Variants in MTSS2 observed in about 807,000 individuals in gnomAD.
The protein encoded by MTSS2 is protein MTSS 2.
MTSS2 carries 27 observed loss-of-function variants against 67.1 expected under a neutral mutation model. That is an observed-to-expected ratio of 0.40 (90% CI 0.30 to 0.55). The LOEUF (loss-of-function observed/expected upper bound fraction) is 0.55, where lower values mean the gene tolerates loss of function less well. Ranked by LOEUF, MTSS2 falls within the 20% of genes least tolerant of loss-of-function variation. MTSS2 has a pLI of 0.43. For synonymous variants in MTSS2, 624 were observed against 468.6 expected (o/e 1.33, Z -4.28); for missense variants, 1,171 against 1,067.8 (o/e 1.10, Z -1.35).
intron 11 of MTSS2, 149 bp from the exon 12 acceptor site, chr16:70,665,689 G>A (rs1489349106): frequency 3.3e-6 from 2 of 610,600 alleles, no homozygotes; most frequent in East Asian, 5.9e-5. Flanking sequence ...CCCTACCCCA[G>A]GGCCACGGCC....
chr16:70,661,586 C>G lies in MTSS2; in HGVS notation c.*2091G>C, dbSNP rs1437680547. ...AGTTTGTGATGTGGGATGGTTGGCT[C>G]GGATCCCGAGGTGGGTGGGCCTATG... On this transcript the variant is annotated 3_prime_UTR_variant, in exon 15 of 15. Coordinates refer to ENST00000338779, the MANE Select transcript of MTSS2 (RefSeq NM_138383.3). 1 of 349,634 alleles carries G rather than the reference C, an allele frequency of 2.9e-6. No individual in the cohort carries two copies. The highest frequency in any genetic ancestry group is 2.2e-5 in the South Asian group (1 of 45,944). 21.7% of individuals were successfully genotyped at this position (349,634 alleles called of 1,614,324 possible).
At position 70,679,480 on chromosome 16, in the gene MTSS2, C is replaced by T; in HGVS notation, c.457+150G>A. 6 of 1,196,214 alleles carry T rather than the reference C, an allele frequency of 5.0e-6. No individual in the cohort carries two copies. The Admixed American group carries it at 9.0e-5, about 18-fold the overall frequency. 74.1% of individuals were successfully genotyped at this position (1,196,214 alleles called of 1,614,324 possible). On this transcript the variant is annotated intron_variant, in intron 6 of 14. Coordinates refer to ENST00000338779, the MANE Select transcript of MTSS2 (RefSeq NM_138383.3). ...GGACCAGGTTTGGGGGGAAGGGCAG[C>T]TCCCTCTGTCCCACCCAACAGGTTG... is the stretch of plus-strand genomic sequence containing the variant.
chr16:70,669,707 C>T (rs1450475950), intron 11 of MTSS2, among the ~76,000 whole-genome samples: 1 of 150,598 alleles, frequency 6.6e-6, no homozygotes, highest in Admixed American at 6.6e-5. Flanking sequence ...ATCCCAGCTA[C>T]TCGGGAGGCT....
intron 11 of MTSS2, among the ~76,000 whole-genome samples, chr16:70,666,525 T>C (rs889868975): frequency 3.3e-5 from 5 of 151,958 alleles, no homozygotes; most frequent in Non-Finnish European, 7.4e-5. Flanking sequence ...CACGGTGAGG[T>C]GTTGGCCTGG....
chr16:70,667,744 A>G (rs2052770546), intron 11 of MTSS2, among the ~76,000 whole-genome samples: 1 of 152,014 alleles, frequency 6.6e-6, no homozygotes, highest in Non-Finnish European at 1.5e-5. Flanking sequence ...GTGGTGGTAC[A>G]TGTCTATAAT....
intron 11 of MTSS2, 127 bp downstream of exon 11, chr16:70,674,179 G>A: frequency 2.7e-6 from 2 of 741,768 alleles, no homozygotes; most frequent in Non-Finnish European, 4.4e-6. Context: ...AGGCCTTGGG[G>A]GCCTTCAGGC....
chr16:70,675,550 G>T (rs892816652), intron 10 of MTSS2, among the ~76,000 whole-genome samples: 1 of 152,122 alleles, frequency 6.6e-6, no homozygotes, highest in African/African-American at 2.4e-5. Flanking sequence ...GAGTAGCTGG[G>T]ACTACAGGCA....
chr16:70,664,065 G>A lies in MTSS2; in HGVS notation c.1856C>T (p.Thr619Ile). Residue 619 changes from threonine to isoleucine, a missense_variant, in exon 15 of 15, where the codon ACC (threonine) becomes ATC (isoleucine). By Grantham distance (89) the Thr-to-Ile change is moderately conservative. Around this residue, in one of 2 missense-constraint regions of MTSS2, gnomAD observed 924 missense variants for 756.0 expected, o/e 1.22. Transcript: ENST00000338779. ...TGCCAGGGGTGAGGCGGTCTCGTCG[G>A]TATAGAAGACGCACTCCTCACTGCC... The part of the protein sequence containing the change: ...RAGSEECVFY[T>I]DETASPLAPD... 6.2e-7 allele frequency: 1 copy of A among 1,611,460 alleles called. No individual in the cohort carries two copies. Among genetic ancestry groups the A allele is most frequent in the Non-Finnish European group, 8.5e-7 (1 of 1,179,404 alleles).
At chr16:70,672,028 C>G (rs542928144) in intron 11 of MTSS2, among the ~76,000 whole-genome samples, 2 of 152,314 alleles carry the variant, frequency 1.3e-5, no homozygotes, top group Admixed American at 1.3e-4. Context: ...GCTGCAGAAA[C>G]TGAGGTGACA....
rs768341867 is a variant in MTSS2, at chr16:70,679,820, C to G, written c.348G>C (p.Lys116Asn). The G allele has an allele frequency of 5.6e-6, 9 of 1,609,138 alleles. No individual in the cohort carries two copies. Among genetic ancestry groups the G allele is most frequent in the Admixed American group, 1.7e-5 (1 of 59,962 alleles). The change falls in exon 5 of 15, where the codon AAG becomes AAC. Residue 116 changes from lysine (K) to asparagine (N), a missense_variant. Lys to Asn is a moderately conservative substitution (Grantham distance 94). Coordinates refer to ENST00000338779, the MANE Select transcript of MTSS2 (RefSeq NM_138383.3). ...PLQERIEDWK[K>N]AANQLDKDHA... Reference sequence around the variant, plus strand: ...GGTCCTTGTCCAGCTGGTTGGCCGCCTTCTTCCAGTCCTCGATGCGCTCCT... The same window carrying G: ...GGTCCTTGTCCAGCTGGTTGGCCGCGTTCTTCCAGTCCTCGATGCGCTCCT...
intron 11 of MTSS2, chr16:70,665,765 G>A: frequency 2.2e-6 from 1 of 462,844 alleles, no homozygotes; most frequent in Non-Finnish European, 3.9e-6. Flanking sequence ...CCACCTGACA[G>A]CCCAGCCCTG....
At chr16:70,664,546 G>C in intron 14 of MTSS2, 52 bp downstream of exon 14, 1 of 1,594,850 alleles carries the variant, frequency 6.3e-7, no homozygotes. Context: ...GGGCCCTCCT[G>C]GATGGCTAAG....
chr16:70,664,496 G>A (rs1360718227), intron 14 of MTSS2, 47 bp from the exon 15 acceptor site: 47 of 1,546,528 alleles, frequency 3.0e-5, no homozygotes, highest in Non-Finnish European at 3.7e-5. Context: ...GTGGCCCCTT[G>A]CCCCCAGCCC....
intron 10 of MTSS2, among the ~76,000 whole-genome samples, chr16:70,676,619 C>T (rs114556493): frequency 0.011 from 1,696 of 152,326 alleles, 35 homozygotes; most frequent in African/African-American, 0.039. Context: ...GCACTTAGCA[C>T]AGCACCTGGC....
In MTSS2 at chr16:70,664,774, G is replaced by C. The variant is rs201061880; in HGVS notation, c.1306-11C>G. ...CACCTCCTCACCGTGCTGAGGGTGG[G>C]AAAGTGCAGGCTGAAGCCTTGCGCC... On this transcript the variant is annotated splice_polypyrimidine_tract_variant and intron_variant, in intron 13 of 14. Coordinates refer to ENST00000338779, the MANE Select transcript of MTSS2 (RefSeq NM_138383.3). 6.2e-6 allele frequency: 10 copies of C among 1,604,800 alleles called. No individual in the cohort carries two copies. The East Asian group carries it at 2.0e-4, about 32-fold the overall frequency.
chr16:70,684,606 T>C lies in MTSS2; in HGVS notation c.69+1117A>G, dbSNP rs182369265. Among the ~76,000 whole-genome samples the C allele has an allele frequency of 4.6e-5, 7 of 152,298 alleles. No individual in the cohort carries two copies. The East Asian group carries it at 5.8e-4, about 13-fold the overall frequency. On this transcript the variant is annotated intron_variant, in intron 1 of 14. Transcript: ENST00000338779. ...CCTGGCCTGGTGGGATTCTGTGTTG[T>C]GCACTTGGAGAATCTGCGCTGGGCT...
chr16:70,677,094 T>A, intron 9 of MTSS2, 116 bp from the exon 10 acceptor site: 1 of 755,184 alleles, frequency 1.3e-6, no homozygotes, highest in Non-Finnish European at 2.1e-6. Flanking sequence ...CCCAGAAATC[T>A]GAAGCCCCCT....
rs994120728 is a variant in MTSS2, at chr16:70,663,468, CTGCAGGCTCCGTCCTGGCCAGGCT to C, written c.*185_*208del. On this transcript the variant is annotated 3_prime_UTR_variant, in exon 15 of 15. Transcript: ENST00000338779. The stretch of plus-strand genomic sequence containing the variant: ...AACAGACCCCGAACCAGGCCCAGGC[CTGCAGGCTCCGTCCTGGCCAGGCT>C]TGCTAAGAAGTCACTTCCTGTTTAA... The C allele has an allele frequency of 2.0e-4, 189 of 948,478 alleles. No individual in the cohort carries two copies. The highest frequency in any genetic ancestry group is 2.5e-4 in the Non-Finnish European group (164 of 669,308). 58.8% of individuals were successfully genotyped at this position (948,478 alleles called of 1,614,324 possible).
Position 70,664,468 on chromosome 16 carries a change from G to GT in MTSS2, c.1472-20dup. 6.5e-7 allele frequency: 1 copy of GT among 1,540,292 alleles called. No homozygotes were observed. Among genetic ancestry groups the GT allele is most frequent in the Non-Finnish European group, 8.8e-7 (1 of 1,142,618 alleles). ...TCGGAGCCTGGGGGCACGGGACACA[G>GT]TGAGGCCCAGGGCCCAGGTGGCCCC... On this transcript the variant is annotated intron_variant, in intron 14 of 14. Coordinates refer to ENST00000338779, the MANE Select transcript of MTSS2 (RefSeq NM_138383.3).
Sources: allele counts gnomAD v4.1 joint callset (sites outside exome capture counted in the v4.1 genomes callset), GRCh38; gene constraint gnomAD v4.1.1; regional missense constraint gnomAD v4.1.1; transcripts MANE v1.5; gene names NCBI Gene and HGNC (gene_info 2026-07-23, HGNC 2026-07-21).